Variants in KCNH7 observed in about 807,000 individuals in gnomAD.
KCNH7 encodes potassium voltage-gated channel subfamily H member 7.
In KCNH7, 49 loss-of-function variants were observed where a neutral mutation model predicts 120.8. The observed-to-expected ratio is 0.41, with a 90% confidence interval of 0.32 to 0.51. The LOEUF (loss-of-function observed/expected upper bound fraction) is 0.51. Ranked by LOEUF, KCNH7 falls within the 20% of genes least tolerant of loss-of-function variation. The probability of loss-of-function intolerance (pLI) is 0.38; values close to 1 mark genes in which losing one functional copy is unlikely to be tolerated. For synonymous variants in KCNH7, 547 were observed against 516.1 expected, an observed-to-expected ratio of 1.06 and a Z score of -0.81; for missense variants, 1,097 against 1,446.6, an observed-to-expected ratio of 0.76 and a Z score of 3.92.
At chr2:162,775,353 T>G (rs1295679567) in intron 2 of KCNH7, among the ~76,000 whole-genome samples, 3 of 152,216 alleles carry the variant, frequency 2.0e-5, no homozygotes, top group Non-Finnish European at 4.4e-5. Flanking sequence ...GACTTGTTCT[T>G]TGTTGCACAA....
intron 4 of KCNH7, among the ~76,000 whole-genome samples, chr2:162,513,595 G>A (rs534920675): frequency 1.3e-4 from 20 of 150,352 alleles, no homozygotes; most frequent in Non-Finnish European, 2.7e-4. Flanking sequence ...AAGAATCCTC[G>A]TGCCTGAGCC....
In KCNH7 at chr2:162,423,327, C is replaced by T. The variant is rs376857302; in HGVS notation, c.2154+9G>A. 5 of 1,613,916 alleles carry T rather than the reference C, an allele frequency of 3.1e-6. No homozygotes were observed. Among genetic ancestry groups the T allele is most frequent in the Admixed American group, 1.7e-5 (1 of 59,986 alleles). On this transcript the variant is annotated intron_variant, in intron 9 of 15. Coordinates refer to ENST00000332142, the MANE Select transcript of KCNH7 (RefSeq NM_033272.4). ...CGGCACTTTCATTTTGGAAAACAGA[C>T]ATACATACCATGTTCATGTCAATGC...
chr2:162,616,402 T>C (rs6432727), intron 2 of KCNH7, among the ~76,000 whole-genome samples: 96,826 of 151,662 alleles, frequency 0.64, 32,445 homozygotes, highest in African/African-American at 0.84. Context: ...ACGTTGGGGG[T>C]GGTGTGGAGA....
intron 12 of KCNH7, among the ~76,000 whole-genome samples, chr2:162,389,394 A>G (rs1158724331): frequency 6.6e-6 from 1 of 151,870 alleles, no homozygotes; most frequent in Non-Finnish European, 1.5e-5. Flanking sequence ...TGACGCAATC[A>G]TTTTTTCAAG....
intron 5 of KCNH7, 102 bp downstream of exon 5, chr2:162,512,552 A>G (rs1205935926): frequency 1.0e-6 from 1 of 961,152 alleles, no homozygotes; most frequent in Non-Finnish European, 1.6e-6. Context: ...TAAGGGCAGC[A>G]TGAAGATGTT....
chr2:162,737,997 G>A (rs1395028856), intron 2 of KCNH7, among the ~76,000 whole-genome samples: 1 of 147,660 alleles, frequency 6.8e-6, no homozygotes, highest in South Asian at 2.2e-4. Flanking sequence ...ACGGGAGGCA[G>A]AGGTTGCAGT....
chr2:162,682,934 T>C (rs539762354), intron 2 of KCNH7, among the ~76,000 whole-genome samples: 1 of 151,998 alleles, frequency 6.6e-6, no homozygotes, highest in South Asian at 2.1e-4. Context: ...AAAGACTTTT[T>C]ATAGTGTTCT....
intron 6 of KCNH7, among the ~76,000 whole-genome samples, chr2:162,488,845 G>A (rs564263881): frequency 6.6e-5 from 10 of 152,154 alleles, no homozygotes; most frequent in East Asian, 5.8e-4. Context: ...CACCTTGCCC[G>A]GCATAACGAA....
At position 162,467,516 on chromosome 2, in the gene KCNH7, G is replaced by A. The variant is rs538415992; in HGVS notation, c.1129-21073C>T. On this transcript the variant is annotated intron_variant, in intron 6 of 15. Transcript: ENST00000332142. Reference sequence around the variant, plus strand: ...CTCCTCTCTTGCCTGTACAAACCGGGCTCTCTTTTTCCTTCCACCATGAGT... The same window carrying A: ...CTCCTCTCTTGCCTGTACAAACCGGACTCTCTTTTTCCTTCCACCATGAGT... Among the ~76,000 whole-genome samples, 5 of 152,216 alleles carry A rather than the reference G, an allele frequency of 3.3e-5. No individual in the cohort carries two copies. The South Asian group carries it at 1.0e-3, about 32-fold the overall frequency.
intron 2 of KCNH7, among the ~76,000 whole-genome samples, chr2:162,602,192 G>T (rs1694580839): frequency 6.6e-6 from 1 of 152,046 alleles, no homozygotes; most frequent in African/African-American, 2.4e-5. Context: ...TGAGTTGGGG[G>T]CCTAGAAAGA....
At chr2:162,466,795 T>C (rs1689322608) in intron 6 of KCNH7, among the ~76,000 whole-genome samples, 1 of 152,168 alleles carries the variant, frequency 6.6e-6, no homozygotes, top group African/African-American at 2.4e-5. Context: ...TGTCAGTAAA[T>C]TTAAGAACAA....
At chr2:162,478,165 C>T (rs754881393) in intron 6 of KCNH7, among the ~76,000 whole-genome samples, 3 of 152,066 alleles carry the variant, frequency 2.0e-5, no homozygotes, top group Admixed American at 1.3e-4. Flanking sequence ...CCCATTAGAC[C>T]GGGCCTTGGA....
intron 6 of KCNH7, among the ~76,000 whole-genome samples, chr2:162,456,836 T>A (rs1286253437): frequency 6.6e-6 from 1 of 152,156 alleles, no homozygotes; most frequent in African/African-American, 2.4e-5. Flanking sequence ...CCCCTGCTTT[T>A]TTTTGCTTCC....
chr2:162,613,518 A>G (rs1030910066), intron 2 of KCNH7, among the ~76,000 whole-genome samples: 2 of 152,024 alleles, frequency 1.3e-5, no homozygotes, highest in Non-Finnish European at 2.9e-5. Flanking sequence ...CTGTTATTTA[A>G]GCTTTTCATC....
rs926821712 is a variant in KCNH7 at position 162,771,560 on chromosome 2, T to C, written c.307+64977A>G. ...ATACATTTTTATTGCCTCTACTAGA[T>C]TTTTTGGTATGTTATTTATTTAATT... On this transcript the variant is annotated intron_variant, in intron 2 of 15. Transcript: ENST00000332142. Among the ~76,000 whole-genome samples the C allele has an allele frequency of 3.3e-5, 5 of 152,154 alleles. No homozygotes were observed. In the South Asian group the frequency reaches 1.0e-3, roughly 32 times the overall value.
At chr2:162,630,041 TC>T (rs1303152916) in intron 2 of KCNH7, among the ~76,000 whole-genome samples, 5 of 152,020 alleles carry the variant, frequency 3.3e-5, no homozygotes, top group African/African-American at 1.2e-4. Context: ...CGAATATTGA[TC>T]ATGGAATAAC....
At chr2:162,443,911 T>A (rs1688501320) in intron 7 of KCNH7, among the ~76,000 whole-genome samples, 1 of 152,140 alleles carries the variant, frequency 6.6e-6, no homozygotes, top group Admixed American at 6.5e-5. Flanking sequence ...TCCTCTACCA[T>A]AACAAACTTG....
intron 3 of KCNH7, among the ~76,000 whole-genome samples, chr2:162,524,156 G>T (rs535108489): frequency 6.6e-6 from 1 of 152,082 alleles, no homozygotes; most frequent in South Asian, 2.1e-4. Context: ...CTATTAAAAA[G>T]ACAGGATTAA....
intron 9 of KCNH7, among the ~76,000 whole-genome samples, chr2:162,401,635 T>C (rs1350444104): frequency 6.6e-6 from 1 of 151,906 alleles, no homozygotes; most frequent in Non-Finnish European, 1.5e-5. Context: ...TCCTACTGTG[T>C]ATAGGATCAC....
Sources: allele counts gnomAD v4.1 joint callset (sites outside exome capture counted in the v4.1 genomes callset), GRCh38; gene constraint gnomAD v4.1.1; transcripts MANE v1.5; gene names NCBI Gene and HGNC (gene_info 2026-07-23, HGNC 2026-07-21).